Variants in MAP3K8 observed in about 807,000 individuals in gnomAD.
The protein encoded by MAP3K8 is mitogen-activated protein kinase kinase kinase 8.
A neutral mutation model predicts 45.8 loss-of-function variants in MAP3K8; 22 were observed. That is an observed-to-expected ratio of 0.48 (90% CI 0.34 to 0.69). The LOEUF (loss-of-function observed/expected upper bound fraction) is 0.69, where lower values mean the gene tolerates loss of function less well. MAP3K8 is among the 30% of genes least tolerant of loss of function. The pLI is 0.01. For synonymous variants in MAP3K8, 223 were observed against 214.3 expected (o/e 1.04, Z -0.36); for missense variants, 419 against 585.0 (o/e 0.72, Z 2.93).
At chr10:30,452,614 T>A (rs568279951) in intron 6 of MAP3K8, among the ~76,000 whole-genome samples, 2 of 150,994 alleles carry the variant, frequency 1.3e-5, no homozygotes, top group South Asian at 4.2e-4. Flanking sequence ...CAGAACGAGA[T>A]GTTGCTTCAA....
intron 3 of MAP3K8, chr10:30,439,479 A>G: frequency 1.6e-5 from 18 of 1,102,736 alleles, no homozygotes; most frequent in Middle Eastern, 2.3e-4. Context: ...ATTCTTGATC[A>G]TATTTTAGTA....
At chr10:30,442,204 T>C (rs961790767) in intron 3 of MAP3K8, among the ~76,000 whole-genome samples, 9 of 152,240 alleles carry the variant, frequency 5.9e-5, no homozygotes, top group African/African-American at 2.2e-4. Context: ...CAGAGTATGC[T>C]GCTTCCCAGC....
At chr10:30,438,354 A>G (rs898316163) in intron 2 of MAP3K8, among the ~76,000 whole-genome samples, 3 of 152,136 alleles carry the variant, frequency 2.0e-5, no homozygotes, top group Non-Finnish European at 4.4e-5. Context: ...AACTTGACCT[A>G]TTGCCATCAA....
intron 3 of MAP3K8, among the ~76,000 whole-genome samples, chr10:30,444,336 G>T (rs575323734): frequency 6.6e-6 from 1 of 152,262 alleles, no homozygotes; most frequent in East Asian, 1.9e-4. Flanking sequence ...GGTGGCACAT[G>T]CCTGTAATCC....
rs150579938 is a variant in MAP3K8 at position 30,439,020 on chromosome 10, G to A, written c.82G>A (p.Asp28Asn). Residue 28 changes from aspartate to asparagine, a missense_variant, in exon 3 of 9, where the codon GAC becomes AAC. By Grantham distance (23) the Asp-to-Asn change is conservative. Transcript: ENST00000263056. ...ACATTTAAATGTGTCTGATGTAATAGACATTATGGAAAATCTTTATGCAAG... is the reference window on the plus strand; with the variant it reads ...ACATTTAAATGTGTCTGATGTAATAAACATTATGGAAAATCTTTATGCAAG... ...IKHLNVSDVI[D>N]IMENLYASEE... The A allele has an allele frequency of 1.1e-5, 18 of 1,612,964 alleles. No homozygotes were observed. In the South Asian group the frequency reaches 1.5e-4, roughly 14 times the overall value.
In MAP3K8 at chr10:30,451,680, AT is replaced by A; in HGVS notation, c.813del (p.Phe271LeufsTer3). 1 of 1,598,480 alleles carries A rather than the reference AT, an allele frequency of 6.3e-7. No homozygotes were observed. The highest frequency in any genetic ancestry group is 8.5e-7 in the Non-Finnish European group (1 of 1,170,944). ...VFMSTKAVLVDFGLSVQMTED... is the reference protein window; with the variant it reads ...VFMSTKAVLVXFGLSVQMTED... Reference sequence around the variant, plus strand: ...ATGTCCACAAAAGCTGTTTTGGTGGATTTTGGCCTAAGTGTTCAAATGACCG... The same window carrying A: ...ATGTCCACAAAAGCTGTTTTGGTGGATTTGGCCTAAGTGTTCAAATGACCG... On this transcript the variant is annotated frameshift_variant, in exon 6 of 9. Coordinates refer to ENST00000263056, the MANE Select transcript of MAP3K8 (RefSeq NM_005204.4). LOFTEE classifies it high-confidence loss of function.
At chr10:30,434,748 G>T in intron 1 of MAP3K8, 1 of 985,520 alleles carries the variant, frequency 1.0e-6, no homozygotes, top group Non-Finnish European at 1.2e-6. Flanking sequence ...CCCGAGACCC[G>T]GTGAGTGCAG....
intron 6 of MAP3K8, among the ~76,000 whole-genome samples, chr10:30,453,399 T>C (rs1019040455): frequency 6.6e-6 from 1 of 152,146 alleles, no homozygotes; most frequent in African/African-American, 2.4e-5. Context: ...TGAGCATAAA[T>C]GTATCTTATT....
intron 6 of MAP3K8, among the ~76,000 whole-genome samples, chr10:30,455,936 G>A (rs1836715131): frequency 6.6e-6 from 1 of 152,192 alleles, no homozygotes; most frequent in Admixed American, 6.5e-5. Context: ...CTCCGAGCCA[G>A]GAAGCTCTGG....
At position 30,460,792 on chromosome 10, in the gene MAP3K8, T is replaced by C; in HGVS notation, c.1360T>C (p.Tyr454His). 1 of 1,614,046 alleles carries C rather than the reference T, an allele frequency of 6.2e-7. No homozygotes were observed. Residue 454 changes from tyrosine to histidine, a missense_variant, in exon 9 of 9, where the codon TAC becomes CAC. Around this residue, in one of 3 missense-constraint regions of MAP3K8, gnomAD observed 108 missense variants for 124.2 expected, o/e 0.87. Transcript: ENST00000263056. ...LYIDLGALAG[Y>H]FNLVRGPPTL... ...CATCGACCTCGGCGCTCTGGCTGGCTACTTCAATCTTGTTCGGGGACCACC... is the reference window on the plus strand; with the variant it reads ...CATCGACCTCGGCGCTCTGGCTGGCCACTTCAATCTTGTTCGGGGACCACC...
intron 3 of MAP3K8, chr10:30,439,499 C>G: frequency 1.0e-6 from 1 of 990,628 alleles, no homozygotes; most frequent in Admixed American, 3.0e-5. Flanking sequence ...AGTATTTCTA[C>G]AAATAGGTAA....
chr10:30,450,809 C>T (rs963477400), intron 5 of MAP3K8, among the ~76,000 whole-genome samples: 3 of 151,778 alleles, frequency 2.0e-5, no homozygotes, highest in African/African-American at 7.3e-5. Context: ...AGGCTGGGCA[C>T]GGTGGCTCAC....
chr10:30,457,048 C>T (rs184209934), intron 6 of MAP3K8, among the ~76,000 whole-genome samples: 92 of 151,574 alleles, frequency 6.1e-4, no homozygotes, highest in Middle Eastern at 3.4e-3. Flanking sequence ...CGCACCATTG[C>T]ATTCCAGCCT....
At position 30,434,784 on chromosome 10, in the gene MAP3K8, C is replaced by G. The variant is rs1835860857; in HGVS notation, c.-255+406C>G. The G allele has an allele frequency of 5.1e-6, 5 of 985,076 alleles. No individual in the cohort carries two copies. The South Asian group carries it at 2.3e-4, about 46-fold the overall frequency. The allele number at this position is 985,076 out of a possible 1,614,324, so 61.0% of individuals were successfully genotyped here. A position where few individuals can be genotyped will look rare whatever the true frequency, so the allele number is the denominator to read the frequency against. On this transcript the variant is annotated intron_variant, in intron 1 of 8. Coordinates refer to ENST00000263056, the MANE Select transcript of MAP3K8 (RefSeq NM_005204.4). ...CTCGGAGGCTGGAGGACCCGATCCT[C>G]CCAAATGCTGGGTGCTTTGATAATT...
chr10:30,460,667 G>T (rs780522807), intron 8 of MAP3K8, 39 bp from the exon 9 acceptor site: 15 of 1,558,664 alleles, frequency 9.6e-6, no homozygotes, highest in East Asian at 6.8e-5. Context: ...CATTTGACAC[G>T]TTTTCTTGTT....
chr10:30,452,843 T>A (rs1385035186), intron 6 of MAP3K8, among the ~76,000 whole-genome samples: 1 of 12,542 alleles, frequency 8.0e-5, no homozygotes, highest in Non-Finnish European at 1.9e-4. Context: ...ATCCAGCTAA[T>A]TTTTTTTTTT....
At chr10:30,441,880 G>C (rs2132789729) in intron 3 of MAP3K8, among the ~76,000 whole-genome samples, 1 of 152,308 alleles carries the variant, frequency 6.6e-6, no homozygotes, top group East Asian at 1.9e-4. Context: ...ACCACCCAAT[G>C]TTCAAGATCT....
At chr10:30,437,589 G>A (rs1290712512) in intron 2 of MAP3K8, among the ~76,000 whole-genome samples, 183 bp downstream of exon 2, 2 of 152,220 alleles carry the variant, frequency 1.3e-5, no homozygotes, top group Non-Finnish European at 2.9e-5. Context: ...GCTTTCCTCA[G>A]ACACAATTCA....
chr10:30,437,010 A>T (rs1286812166), intron 1 of MAP3K8, among the ~76,000 whole-genome samples, 166 bp from the exon 2 acceptor site: 11 of 151,892 alleles, frequency 7.2e-5, no homozygotes, highest in African/African-American at 2.7e-4. Context: ...TGCTCTCCTA[A>T]CTCAGCAGAC....
Sources: allele counts gnomAD v4.1 joint callset (sites outside exome capture counted in the v4.1 genomes callset), GRCh38; gene constraint gnomAD v4.1.1; regional missense constraint gnomAD v4.1.1; transcripts MANE v1.5; gene names NCBI Gene and HGNC (gene_info 2026-07-23, HGNC 2026-07-21).